Variants in OLR1 observed in about 807,000 individuals in gnomAD.
OLR1 encodes oxidized low-density lipoprotein receptor 1.
A neutral mutation model predicts 31.7 loss-of-function variants in OLR1; 23 were observed. The ratio of observed to expected loss-of-function variants is 0.72; its 90% CI spans 0.52 to 1.03. OLR1 has a LOEUF of 1.03. Ranked by LOEUF, OLR1 falls within the 50% of genes least tolerant of loss-of-function variation. OLR1 has a pLI of 0.00. For missense variants in OLR1, 286 were observed against 315.7 expected, an observed-to-expected ratio of 0.91 and a Z score of 0.71; for synonymous variants, 117 against 115.8, an observed-to-expected ratio of 1.01 and a Z score of -0.07.
chr12:10,162,910 G>A (rs1034873111), intron 3 of OLR1, among the ~76,000 whole-genome samples: 4 of 152,132 alleles, frequency 2.6e-5, no homozygotes, highest in African/African-American at 9.7e-5. Context: ...GACAAAGTAA[G>A]AAGGACACAT....
chr12:10,160,755 T>C, intron 4 of OLR1, 31 bp downstream of exon 4: 1 of 1,608,228 alleles, frequency 6.2e-7, no homozygotes, highest in Non-Finnish European at 8.5e-7. Flanking sequence ...CAACCAATAC[T>C]CCACCCCAAC....
intron 3 of OLR1, among the ~76,000 whole-genome samples, chr12:10,165,417 G>C (rs753339529): frequency 2.6e-5 from 4 of 152,070 alleles, no homozygotes; most frequent in Non-Finnish European, 5.9e-5. Context: ...GCGACAGAGC[G>C]AGACTCCATC....
chr12:10,160,076 C>T lies in OLR1; in HGVS notation c.681-55G>A, dbSNP rs12309394. ...ACAAAAAAACTTAGGTTTACTGCCACCTTGTTTCAGAAACTTAGCTTTTGA... is the reference window on the plus strand; with the variant it reads ...ACAAAAAAACTTAGGTTTACTGCCATCTTGTTTCAGAAACTTAGCTTTTGA... On this transcript the variant is annotated intron_variant, in intron 5 of 5. Coordinates refer to ENST00000309539, the MANE Select transcript of OLR1 (RefSeq NM_002543.4). 7.9e-3 allele frequency: 12,204 copies of T among 1,547,094 alleles called. 623 individuals carry two copies. The African/African-American group carries it at 0.13, about 16-fold the overall frequency.
chr12:10,168,364 C>T (rs1948679573), intron 2 of OLR1, among the ~76,000 whole-genome samples: 1 of 152,158 alleles, frequency 6.6e-6, no homozygotes, highest in African/African-American at 2.4e-5. Flanking sequence ...TCTATCAAAA[C>T]TCAGCAAGCT....
intron 4 of OLR1, 116 bp from the exon 5 acceptor site, chr12:10,160,578 C>G (rs143492787): frequency 5.0e-6 from 5 of 991,788 alleles, no homozygotes; most frequent in Non-Finnish European, 7.7e-6. Context: ...TTGACATCCC[C>G]TTGACTGTTT....
chr12:10,172,070 A>T lies in OLR1; in HGVS notation c.8T>A (p.Phe3Tyr). The T allele has an allele frequency of 1.2e-6, 2 of 1,613,426 alleles. No individual in the cohort carries two copies. Among genetic ancestry groups the T allele is most frequent in the Non-Finnish European group, 1.7e-6 (2 of 1,179,510 alleles). MT[F>Y]DDLKIQTVKD... The stretch of plus-strand genomic sequence containing the variant: ...CACAGTCTGGATCTTTAGGTCATCA[A>T]AAGTCATTTCCAAATTCAAGCTAAG... Residue 3 changes from phenylalanine to tyrosine, a missense_variant, in exon 1 of 6, where the codon TTT becomes TAT. Transcript: ENST00000309539.
chr12:10,172,382 C>G (rs1948730660), upstream of OLR1: 1 of 230,922 alleles, frequency 4.3e-6, no homozygotes, highest in African/African-American at 2.2e-5. Flanking sequence ...ATATTGTACC[C>G]ACTCTTCAGA....
chr12:10,169,214 A>G, intron 1 of OLR1, 39 bp from the exon 2 acceptor site: 1 of 1,462,430 alleles, frequency 6.8e-7, no homozygotes, highest in East Asian at 2.3e-5. Flanking sequence ...GACAAAAAAG[A>G]GTGAACAAGT....
chr12:10,160,538 T>A, intron 4 of OLR1, 76 bp from the exon 5 acceptor site: 1 of 1,175,596 alleles, frequency 8.5e-7, no homozygotes, highest in Non-Finnish European at 1.2e-6. Context: ...TAGTGTTGGA[T>A]CCACAAAACT....
At position 10,160,024 on chromosome 12, in the gene OLR1, G is replaced by C; in HGVS notation, c.681-3C>G. On this transcript the variant is annotated splice_polypyrimidine_tract_variant and splice_region_variant and intron_variant, in intron 5 of 5. Coordinates refer to ENST00000309539, the MANE Select transcript of OLR1 (RefSeq NM_002543.4). ...AGACAGCGCCTCGGACTCTAAATCT[G>C]CAGGTAGGAAAAAACAAAACAAACC... 1 of 1,591,606 alleles carries C rather than the reference G, an allele frequency of 6.3e-7. No individual in the cohort carries two copies. Among genetic ancestry groups the C allele is most frequent in the Admixed American group, 1.8e-5 (1 of 56,050 alleles).
rs139401310 is a variant in OLR1, at chr12:10,166,858, T to G, written c.278A>C (p.Glu93Ala). ...GQISARQQAE[E>A]ASQESENELK... Reference sequence around the variant, plus strand: ...TTCGTTTTCTGACTCCTGTGAAGCTTCTTCTGCTTGTTGCCGGGCTGAGAT... The same window carrying G: ...TTCGTTTTCTGACTCCTGTGAAGCTGCTTCTGCTTGTTGCCGGGCTGAGAT... Residue 93 changes from glutamate to alanine, a missense_variant, in exon 3 of 6, where the codon GAA (glutamate) becomes GCA (alanine). By Grantham distance (107) the Glu-to-Ala change is moderately radical. Coordinates refer to ENST00000309539, the MANE Select transcript of OLR1 (RefSeq NM_002543.4). The G allele has an allele frequency of 1.7e-5, 27 of 1,612,776 alleles. No individual in the cohort carries two copies. In the African/African-American group the frequency reaches 2.4e-4, roughly 14 times the overall value.
In OLR1 at chr12:10,159,871, C is replaced by G. The variant is rs747491547; in HGVS notation, c.*9G>C. On this transcript the variant is annotated 3_prime_UTR_variant, in exon 6 of 6. Coordinates refer to ENST00000309539, the MANE Select transcript of OLR1 (RefSeq NM_002543.4). ...AAGACTTTTTTCTTTTCTTCCAGAG[C>G]CTTCAAATTCACTGTGCTCTTAGGT... The G allele has an allele frequency of 1.3e-6, 2 of 1,595,296 alleles. No individual in the cohort carries two copies. Among genetic ancestry groups the G allele is most frequent in the South Asian group, 1.1e-5 (1 of 89,816 alleles).
At chr12:10,171,974 C>T in intron 1 of OLR1, 28 bp downstream of exon 1, 1 of 1,557,700 alleles carries the variant, frequency 6.4e-7, no homozygotes, top group Non-Finnish European at 8.9e-7. Flanking sequence ...GGATTCTTTC[C>T]CTGTACACAT....
Position 10,166,849 on chromosome 12 carries a change from T to G in OLR1, c.287A>C (p.Gln96Pro), listed in dbSNP as rs781426287. 9 of 1,613,754 alleles carry G rather than the reference T, an allele frequency of 5.6e-6. No individual in the cohort carries two copies. Among genetic ancestry groups the G allele is most frequent in the South Asian group, 1.1e-5 (1 of 91,070 alleles). Reference protein sequence around the residue: ...SARQQAEEASQESENELKEMI... With the variant: ...SARQQAEEASPESENELKEMI... ...TTCCTTGAGTTCGTTTTCTGACTCC[T>G]GTGAAGCTTCTTCTGCTTGTTGCCG... The change falls in exon 3 of 6, where the codon CAG (glutamine) becomes CCG (proline). Residue 96 changes from glutamine to proline, a missense_variant. Transcript: ENST00000309539.
intron 3 of OLR1, among the ~76,000 whole-genome samples, chr12:10,162,682 A>C (rs534088322): frequency 3.9e-5 from 6 of 152,176 alleles, no homozygotes; most frequent in African/African-American, 1.4e-4. Flanking sequence ...ACAAAAATTC[A>C]CTGGGTGTGG....
At chr12:10,175,484 T>G (rs1029831902), upstream of OLR1, 2 of 152,210 alleles carry the variant, frequency 1.3e-5, no homozygotes, top group African/African-American at 4.8e-5. Context: ...CACAGATACT[T>G]TGAAATAATA....
In OLR1 at chr12:10,169,093, A is replaced by G. The variant is rs1948687016; in HGVS notation, c.159T>C (p.Ile53=). 1 of 1,612,566 alleles carries G rather than the reference A, an allele frequency of 6.2e-7. No individual in the cohort carries two copies. Among genetic ancestry groups the G allele is most frequent in the East Asian group, 2.2e-5 (1 of 44,828 alleles). Residue 53 remains isoleucine (I), a synonymous_variant, in exon 2 of 6, where the codon ATT becomes ATC. Transcript: ENST00000309539. ...GVLCLGLVVT[I]MVLGMQLSQV... Reference sequence around the variant, plus strand: ...ACTTACATTGCATGCCCAGCACCATAATGGTCACTACTAATCCCAGGCAAA... The same window carrying G: ...ACTTACATTGCATGCCCAGCACCATGATGGTCACTACTAATCCCAGGCAAA...
At chr12:10,169,206 C>CA in intron 1 of OLR1, 31 bp from the exon 2 acceptor site, 3 of 1,511,714 alleles carry the variant, frequency 2.0e-6, no homozygotes, top group Admixed American at 1.9e-5. Flanking sequence ...ATCAGAAAGA[C>CA]AAAAAAGAGT....
In OLR1 at chr12:10,160,024, G is replaced by T; in HGVS notation, c.681-3C>A. ...AGACAGCGCCTCGGACTCTAAATCT[G>T]CAGGTAGGAAAAAACAAAACAAACC... On this transcript the variant is annotated splice_polypyrimidine_tract_variant and splice_region_variant and intron_variant, in intron 5 of 5. Transcript: ENST00000309539. The T allele has an allele frequency of 6.3e-7, 1 of 1,591,606 alleles. No individual in the cohort carries two copies.
Sources: allele counts gnomAD v4.1 joint callset (sites outside exome capture counted in the v4.1 genomes callset), GRCh38; gene constraint gnomAD v4.1.1; transcripts MANE v1.5; gene names NCBI Gene and HGNC (gene_info 2026-07-23, HGNC 2026-07-21).